The following CDK13 variants were observed in gnomAD, a reference collection of about 807,000 sequenced individuals.
CDK13 encodes cyclin dependent kinase 13.
CDK13 carries 40 observed loss-of-function variants against 137.6 expected under a neutral mutation model. The observed-to-expected ratio is 0.29, with a 90% CI of 0.23 to 0.38. CDK13 has a LOEUF of 0.38. Among genes scored for constraint, CDK13 ranks in the 10% least tolerant of loss-of-function variants. CDK13 has a pLI of 1.00. For missense variants in CDK13, 1,704 were observed against 1,951.8 expected (o/e 0.87, Z 2.39); for synonymous variants, 869 against 760.1 (o/e 1.14, Z -2.36).
intron 1 of CDK13, among the ~76,000 whole-genome samples, chr7:39,963,455 A>G (rs1082031): frequency 0.99 from 150,917 of 152,012 alleles, 74,924 homozygotes; most frequent in East Asian, 1. Context: ...GAATGCTTGT[A>G]ATTTTTGTAC....
At chr7:40,067,952 G>A (rs1013866954) in intron 9 of CDK13, 3 of 152,182 alleles carry the variant, frequency 2.0e-5, no homozygotes, top group East Asian at 3.9e-4. Context: ...AAAACTAACC[G>A]GGCGTGGTGG....
At chr7:39,990,907 C>T (rs1225973168) in intron 2 of CDK13, among the ~76,000 whole-genome samples, 2 of 152,112 alleles carry the variant, frequency 1.3e-5, no homozygotes, top group African/African-American at 4.8e-5. Flanking sequence ...TTTAAAACTG[C>T]TTTAGATTAT....
At chr7:40,068,149 T>A (rs1786324497) in intron 9 of CDK13, among the ~76,000 whole-genome samples, 1 of 151,340 alleles carries the variant, frequency 6.6e-6, no homozygotes, top group African/African-American at 2.4e-5. Flanking sequence ...AGGGAGGTAC[T>A]AGCAAATAGT....
intron 7 of CDK13, among the ~76,000 whole-genome samples, chr7:40,050,285 A>G (rs190518940): frequency 6.7e-4 from 102 of 152,342 alleles, no homozygotes; most frequent in Middle Eastern, 3.4e-3. Context: ...TTTCTGTCAT[A>G]TATAATAGTG....
In CDK13 at chr7:39,950,525, C is replaced by T. The variant is rs924722563; in HGVS notation, c.-117C>T. 2.6e-5 allele frequency: 33 copies of T among 1,266,594 alleles called. No homozygotes were observed. Among genetic ancestry groups the T allele is most frequent in the African/African-American group, 4.6e-5 (3 of 64,522 alleles). 78.5% of individuals were successfully genotyped at this position (1,266,594 alleles called of 1,614,324 possible). A position where few individuals can be genotyped will look rare whatever the true frequency, so the allele number is the denominator to read the frequency against. On this transcript the variant is annotated 5_prime_UTR_variant, in exon 1 of 14. Transcript: ENST00000181839. ...GGATTATCGTGGCGCTTTTCCCGGC[C>T]GGCTCTGGTGCTCGGTGTCCCTCCG...
chr7:40,044,189 G>A (rs1023311691), intron 5 of CDK13, among the ~76,000 whole-genome samples: 2 of 152,014 alleles, frequency 1.3e-5, no homozygotes, highest in South Asian at 2.1e-4. Flanking sequence ...GAGCCACCAC[G>A]CCTGGCTCAG....
intron 7 of CDK13, chr7:40,048,430 A>G (rs1785798203): frequency 6.6e-6 from 1 of 152,188 alleles, no homozygotes; most frequent in Non-Finnish European, 1.5e-5. Context: ...TTGTCTTATT[A>G]AAACTAATAT....
At chr7:40,061,388 T>C (rs925358939) in intron 7 of CDK13, 9 of 152,314 alleles carry the variant, frequency 5.9e-5, no homozygotes, top group African/African-American at 2.2e-4. Flanking sequence ...AATGCCCAAA[T>C]TGATAGTTTT....
intron 11 of CDK13, among the ~76,000 whole-genome samples, chr7:40,081,666 T>C (rs939587599): frequency 2.6e-5 from 4 of 152,236 alleles, no homozygotes; most frequent in African/African-American, 9.6e-5. Flanking sequence ...ATTGTAAATA[T>C]CAGTAATGAA....
At chr7:39,991,781 G>A (rs1313194214) in intron 2 of CDK13, among the ~76,000 whole-genome samples, 1 of 152,014 alleles carries the variant, frequency 6.6e-6, no homozygotes. Context: ...GTGGCTCACA[G>A]TTGTAATCCC....
intron 9 of CDK13, among the ~76,000 whole-genome samples, chr7:40,064,198 C>G (rs971747957): frequency 2.7e-5 from 4 of 146,744 alleles, no homozygotes; most frequent in Non-Finnish European, 5.9e-5. Context: ...GCAGGAGAAT[C>G]ATTTGAACCC....
At position 39,988,127 on chromosome 7, in the gene CDK13, TAAAGAG is replaced by T; in HGVS notation, c.1744_1749del (p.Glu582_Lys583del). ...CTACAAAGGAGGAATCAGTATCTCT[TAAAGAG>T]AAAACCAAACCACTTACACCAAGCA... On this transcript the variant is annotated inframe_deletion, in exon 2 of 14. Coordinates refer to ENST00000181839, the MANE Select transcript of CDK13 (RefSeq NM_003718.5). 1 of 1,613,936 alleles carries T rather than the reference TAAAGAG, an allele frequency of 6.2e-7. No homozygotes were observed. The highest frequency in any genetic ancestry group is 8.5e-7 in the Non-Finnish European group (1 of 1,180,002).
At chr7:39,955,598 G>A (rs773417) in intron 1 of CDK13, among the ~76,000 whole-genome samples, 150,929 of 152,018 alleles carry the variant, frequency 0.99, 74,932 homozygotes, top group East Asian at 1. Flanking sequence ...TTATGTGTTG[G>A]TTTCTGTTCC....
chr7:39,973,945 A>G (rs1006241676), intron 1 of CDK13, among the ~76,000 whole-genome samples: 1 of 152,172 alleles, frequency 6.6e-6, no homozygotes, highest in Non-Finnish European at 1.5e-5. Context: ...TGATTTATGT[A>G]TCCGTCCGTA....
chr7:39,988,075 T>C lies in CDK13; in HGVS notation c.1688T>C (p.Ile563Thr), dbSNP rs746449091. ...GATAAAGCCACCAAGAAAGCAGTCA[T>C]AGTTGGAAAGGAGAGTAAATCTGCT... is the stretch of plus-strand genomic sequence containing the variant. ...IVDKATKKAV[I>T]VGKESKSAAT... The change falls in exon 2 of 14, where the codon ATA (isoleucine) becomes ACA (threonine). Residue 563 changes from isoleucine (I) to threonine (T), a missense_variant. Physicochemically the swap from Ile to Thr is moderately conservative, Grantham distance 89 (BLOSUM62 -1). This residue lies in a region of CDK13 where 1,051 missense variants were observed against 931.0 expected (regional missense o/e 1.13). Transcript: ENST00000181839. 3.7e-6 allele frequency: 6 copies of C among 1,613,764 alleles called. No individual in the cohort carries two copies. Among genetic ancestry groups the C allele is most frequent in the Non-Finnish European group, 5.1e-6 (6 of 1,179,986 alleles).
At chr7:39,981,343 T>C (rs1401602663) in intron 1 of CDK13, among the ~76,000 whole-genome samples, 2 of 151,470 alleles carry the variant, frequency 1.3e-5, no homozygotes, top group Non-Finnish European at 2.9e-5. Context: ...CACTCCAGCC[T>C]GTGCGAAAAA....
intron 1 of CDK13, among the ~76,000 whole-genome samples, chr7:39,957,148 G>A (rs967080668): frequency 6.7e-6 from 1 of 148,812 alleles, no homozygotes; most frequent in Non-Finnish European, 1.5e-5. Flanking sequence ...TAGAGATGGT[G>A]TTTTACTGTG....
chr7:40,013,718 C>A (rs945121951), intron 5 of CDK13, among the ~76,000 whole-genome samples: 1 of 152,096 alleles, frequency 6.6e-6, no homozygotes, highest in Non-Finnish European at 1.5e-5. Context: ...TCCAAGTACA[C>A]TCAAACCAAT....
At chr7:39,995,319 T>A (rs759233201) in intron 2 of CDK13, among the ~76,000 whole-genome samples, 2 of 152,214 alleles carry the variant, frequency 1.3e-5, no homozygotes, top group African/African-American at 4.8e-5. Flanking sequence ...CTAAAAAATG[T>A]TGATTTGAAT....
Sources: allele counts gnomAD v4.1 joint callset (sites outside exome capture counted in the v4.1 genomes callset), GRCh38; gene constraint gnomAD v4.1.1; regional missense constraint gnomAD v4.1.1; transcripts MANE v1.5; gene names NCBI Gene and HGNC (gene_info 2026-07-23, HGNC 2026-07-21).